The following CIC variants were observed in gnomAD, a reference collection of about 807,000 sequenced individuals.
CIC encodes the protein protein capicua homolog.
In CIC, 18 loss-of-function variants were observed where a neutral mutation model predicts 115.7. That is an observed-to-expected ratio of 0.16 (90% CI 0.11 to 0.23). The LOEUF (loss-of-function observed/expected upper bound fraction) is 0.23. Ranked by LOEUF, CIC falls within the 10% of genes least tolerant of loss-of-function variation. The pLI is 1.00. For synonymous variants in CIC, 1,076 were observed against 923.0 expected (o/e 1.17, Z -3.01); for missense variants, 2,000 against 2,159.3 (o/e 0.93, Z 1.46).
At position 42,295,143 on chromosome 19, in the gene CIC, G is replaced by GGGGGGCCCCCCCCCCCCCCCC; in HGVS notation, c.7506_7507insGGGGGCCCCCCCCCCCCCCCC (p.Gln2502_Pro2503insGlyGlyProProProProPro). On this transcript the variant is annotated inframe_insertion, in exon 21 of 21. Transcript: ENST00000681038. ...AGCCTGGCTGGGAGGGGGCTCCCCAGCCCTCCCCCCCACCCCCAGGTCCCT... is the reference window on the plus strand; with the variant it reads ...AGCCTGGCTGGGAGGGGGCTCCCCAGGGGGGCCCCCCCCCCCCCCCCCCCTCCCCCCCACCCCCAGGTCCCT... 4 of 1,382,730 alleles carry GGGGGGCCCCCCCCCCCCCCCC rather than the reference G, an allele frequency of 2.9e-6. No individual in the cohort carries two copies. The highest frequency in any genetic ancestry group is 2.9e-6 in the Non-Finnish European group (3 of 1,037,820). 85.7% of individuals were successfully genotyped at this position (1,382,730 alleles called of 1,614,324 possible).
rs951018786 is a variant in CIC, at chr19:42,290,740, G to A, written c.4699G>A (p.Gly1567Arg). The stretch of plus-strand genomic sequence containing the variant: ...CGCCCCCGCCCCATCACTGGCCTAT[G>A]GGGCCCCAGCAGCTCCCCTGTCCCG... ...PSAPAPSLAY[G>R]APAAPLSRPA... is the part of the protein sequence containing the mutation. The change falls in exon 11 of 21, where the codon GGG becomes AGG. Residue 1567 changes from glycine to arginine, a missense_variant. Around this residue, in one of 8 missense-constraint regions of CIC, gnomAD observed 1,466 missense variants for 1,390.4 expected, o/e 1.05. Transcript: ENST00000681038. 6.2e-7 allele frequency: 1 copy of A among 1,612,534 alleles called. No individual in the cohort carries two copies. The highest frequency in any genetic ancestry group is 8.5e-7 in the Non-Finnish European group (1 of 1,179,764).
At chr19:42,282,908 G>A (rs1200417211) in intron 2 of CIC, among the ~76,000 whole-genome samples, 1 of 152,214 alleles carries the variant, frequency 6.6e-6, no homozygotes, top group African/African-American at 2.4e-5. Context: ...TGGGTGGCTG[G>A]CAGAGCAGTG....
At chr19:42,284,890 C>T (rs1481990408) in intron 2 of CIC, 21 of 938,234 alleles carry the variant, frequency 2.2e-5, no homozygotes, top group African/African-American at 9.9e-5. Flanking sequence ...AAAGGGATGA[C>T]GGGGAAAGTT....
At chr19:42,284,195 GGGC>G (rs2037423796) in intron 2 of CIC, 1 of 147,898 alleles carries the variant, frequency 6.8e-6, no homozygotes. Context: ...CGGAAAGGCG[GGGC>G]GGCGGCGCCG....
upstream of CIC, chr19:42,269,186 C>G (rs1371713017): frequency 1.3e-5 from 2 of 152,022 alleles, no homozygotes; most frequent in African/African-American, 4.8e-5. Flanking sequence ...TTGGTCTAGG[C>G]TGGCGCCGGT....
At chr19:42,288,816 T>C in intron 7 of CIC, 72 bp from the exon 8 acceptor site, 1 of 1,355,578 alleles carries the variant, frequency 7.4e-7, no homozygotes, top group Non-Finnish European at 1.0e-6. Context: ...GAAATATCTA[T>C]GGGTTGTTGG....
chr19:42,276,393 T>G (rs1012798613), intron 2 of CIC, among the ~76,000 whole-genome samples: 2 of 152,144 alleles, frequency 1.3e-5, no homozygotes, highest in Non-Finnish European at 2.9e-5. Flanking sequence ...AGGGTGTGTT[T>G]GAGTCTCTGA....
At position 42,291,021 on chromosome 19, in the gene CIC, C is replaced by T; in HGVS notation, c.4980C>T (p.Gly1660=). ...APHLVAGPLL[G]TVGKAPATVT... Reference sequence around the variant, plus strand: ...ACTTGGTGGCTGGACCCCTGCTGGGCACTGTGGGGAAGGCGCCTGCCACTG... The same window carrying T: ...ACTTGGTGGCTGGACCCCTGCTGGGTACTGTGGGGAAGGCGCCTGCCACTG... Residue 1660 remains glycine, a synonymous_variant, in exon 11 of 21, where the codon GGC becomes GGT. Transcript: ENST00000681038. 10 of 1,613,734 alleles carry T rather than the reference C, an allele frequency of 6.2e-6. No individual in the cohort carries two copies. Among genetic ancestry groups the T allele is most frequent in the Non-Finnish European group, 7.6e-6 (9 of 1,179,990 alleles).
Position 42,288,977 on chromosome 19 carries a change from C to G in CIC, c.3748C>G (p.Leu1250Val). The change falls in exon 8 of 21, where the codon CTA becomes GTA. Residue 1250 changes from leucine (L) to valine (V), a missense_variant. Leu to Val is a conservative substitution (Grantham distance 32, BLOSUM62 1). Transcript: ENST00000681038. ...GAGCAGCTCCTGTGGGGCAGAACGG[C>G]TACACACAGTTGGGGGACCTGGCTC... ...PGSSSCGAER[L>V]HTVGGPGSAR... 1 of 1,614,018 alleles carries G rather than the reference C, an allele frequency of 6.2e-7. No homozygotes were observed. The highest frequency in any genetic ancestry group is 8.5e-7 in the Non-Finnish European group (1 of 1,180,030).
chr19:42,289,875 T>C lies in CIC; in HGVS notation c.4115T>C (p.Ile1372Thr). The change falls in exon 10 of 21, where the codon ATT (isoleucine) becomes ACT (threonine). Residue 1372 changes from isoleucine to threonine, a missense_variant. Coordinates refer to ENST00000681038, the MANE Select transcript of CIC (RefSeq NM_001386298.1). ...IADDGFGTTD[I>T]DLKCKERVTD... The stretch of plus-strand genomic sequence containing the variant: ...GACGATGGCTTCGGCACCACTGACA[T>C]TGATCTCAAGTGCAAGGAGCGGGTG... 5 of 1,608,700 alleles carry C rather than the reference T, an allele frequency of 3.1e-6. No individual in the cohort carries two copies. The highest frequency in any genetic ancestry group is 4.2e-6 in the Non-Finnish European group (5 of 1,177,820).
intron 16 of CIC, 41 bp from the exon 17 acceptor site, chr19:42,293,551 G>T: frequency 6.2e-7 from 1 of 1,613,314 alleles, no homozygotes; most frequent in South Asian, 1.1e-5. Context: ...CCCAGAGTCT[G>T]AGCTCAGTGT....
At chr19:42,289,509 T>C in intron 9 of CIC, 103 bp downstream of exon 9, 1 of 1,312,156 alleles carries the variant, frequency 7.6e-7, no homozygotes, top group South Asian at 1.3e-5. Flanking sequence ...TTGTTTTCTT[T>C]TCCACTTGGT....
intron 2 of CIC, among the ~76,000 whole-genome samples, chr19:42,275,683 T>A (rs867098951): frequency 2.1e-4 from 32 of 152,174 alleles, no homozygotes; most frequent in Non-Finnish European, 3.2e-4. Flanking sequence ...ATGTATATAT[T>A]TTTTTATTTT....
chr19:42,287,192 C>A lies in CIC; in HGVS notation c.3131C>A (p.Pro1044Gln), dbSNP rs1165972078. The change falls in exon 4 of 21, where the codon CCA becomes CAA. Residue 1044 changes from proline (P) to glutamine (Q), a missense_variant. This residue lies in a region of CIC where 222 missense variants were observed against 247.7 expected (regional missense o/e 0.90). Transcript: ENST00000681038. The surrounding 1 kb of genome is among the most constrained non-coding windows in gnomAD (Gnocchi z 8.7). ...ACGGAGGAGGAGGCCTCCGGCCCCC[C>A]AGGAGAGCCCCGGCTGGACAGTGAG... ...PTTEEEASGP[P>Q]GEPRLDSETE... 6.2e-7 allele frequency: 1 copy of A among 1,613,588 alleles called. No individual in the cohort carries two copies. The highest frequency in any genetic ancestry group is 1.7e-5 in the Admixed American group (1 of 60,008).
At chr19:42,288,054 C>G (rs1206712720) in intron 7 of CIC, 79 bp downstream of exon 7, 4 of 1,485,912 alleles carry the variant, frequency 2.7e-6, no homozygotes, top group Non-Finnish European at 3.7e-6. Context: ...TTGCTCCTCC[C>G]CTGCCCCAGC....
In CIC at chr19:42,292,475, C is replaced by T. The variant is rs377108108; in HGVS notation, c.5902+9C>T. 3.7e-6 allele frequency: 6 copies of T among 1,610,948 alleles called. No individual in the cohort carries two copies. Among genetic ancestry groups the T allele is most frequent in the Admixed American group, 1.7e-5 (1 of 59,932 alleles). ...GCAGCCCCTGCTCTCAGGTGAGGGG[C>T]GGCCTGGCAGGCAGTGCTGGGGACC... On this transcript the variant is annotated intron_variant, in intron 14 of 20. Coordinates refer to ENST00000681038, the MANE Select transcript of CIC (RefSeq NM_001386298.1).
At chr19:42,271,209 C>T (rs899184629) in intron 1 of CIC, among the ~76,000 whole-genome samples, 16 of 152,220 alleles carry the variant, frequency 1.1e-4, no homozygotes, top group African/African-American at 3.6e-4. Flanking sequence ...TAAATGTGCC[C>T]TCTGGATCAT....
In CIC at chr19:42,274,382, G is replaced by A. The variant is rs574366803; in HGVS notation, c.2599G>A (p.Val867Met). 25 of 398,934 alleles carry A rather than the reference G, an allele frequency of 6.3e-5. No individual in the cohort carries two copies. Among genetic ancestry groups the A allele is most frequent in the Non-Finnish European group, 9.3e-5 (21 of 226,318 alleles). 24.7% of individuals were successfully genotyped at this position (398,934 alleles called of 1,614,324 possible). ...PGLPPPLPAP[V>M]PITVPPAAPT... Reference sequence around the variant, plus strand: ...CCTGCCCCCACCTCTGCCAGCCCCCGTGCCCATCACCGTGCCTCCAGCTGC... The same window carrying A: ...CCTGCCCCCACCTCTGCCAGCCCCCATGCCCATCACCGTGCCTCCAGCTGC... The change falls in exon 2 of 21, where the codon GTG (valine) becomes ATG (methionine). Residue 867 changes from valine to methionine, a missense_variant. Val to Met is a conservative substitution (Grantham distance 21, BLOSUM62 1). Around this residue, in one of 8 missense-constraint regions of CIC, gnomAD observed 222 missense variants for 247.7 expected, o/e 0.90. Transcript: ENST00000681038.
chr19:42,282,603 T>G (rs2037309171), intron 2 of CIC, among the ~76,000 whole-genome samples: 2 of 152,210 alleles, frequency 1.3e-5, no homozygotes, highest in South Asian at 4.1e-4. Context: ...AGCCTCTGTT[T>G]GGAGTTCCCT....
Sources: allele counts gnomAD v4.1 joint callset (sites outside exome capture counted in the v4.1 genomes callset), GRCh38; gene constraint gnomAD v4.1.1; regional missense constraint gnomAD v4.1.1; non-coding constraint Gnocchi (gnomAD v3.1); transcripts MANE v1.5; gene names NCBI Gene and HGNC (gene_info 2026-07-23, HGNC 2026-07-21).